EYS: variants seen among roughly 807,000 people sequenced by gnomAD.
EYS encodes EGF-like photoreceptor maintenance factor.
In EYS, 250 loss-of-function variants were observed where a neutral mutation model predicts 282.1. That is an observed-to-expected ratio of 0.89 (90% CI 0.80 to 0.98). The LOEUF (loss-of-function observed/expected upper bound fraction) is 0.98, where lower values mean the gene tolerates loss of function less well. Ranked by LOEUF, EYS falls within the 50% of genes least tolerant of loss-of-function variation. EYS has a pLI of 0.00. For missense variants in EYS, 4,016 were observed against 3,709.0 expected (o/e 1.08, Z -2.15); for synonymous variants, 1,355 against 1,282.9 (o/e 1.06, Z -1.20).
At chr6:65,295,424 C>G (rs1252138319) in intron 12 of EYS, among the ~76,000 whole-genome samples, 1 of 151,858 alleles carries the variant, frequency 6.6e-6, no homozygotes, top group African/African-American at 2.4e-5. Flanking sequence ...TTATTAACGT[C>G]ACGGCATCAA....
intron 36 of EYS, among the ~76,000 whole-genome samples, chr6:63,810,755 A>G (rs1179233051): frequency 1.3e-5 from 2 of 152,196 alleles, no homozygotes. Flanking sequence ...CAGCAATCCT[A>G]CTACATATTT....
chr6:64,051,272 A>G (rs1252307970), intron 33 of EYS, among the ~76,000 whole-genome samples: 5 of 152,308 alleles, frequency 3.3e-5, no homozygotes, highest in Non-Finnish European at 7.4e-5. Flanking sequence ...CTGCTTGCAT[A>G]GAGTTTATAT....
intron 22 of EYS, among the ~76,000 whole-genome samples, chr6:64,804,947 G>T (rs1350160760): frequency 5.9e-5 from 9 of 152,084 alleles, no homozygotes; most frequent in African/African-American, 2.2e-4. Context: ...TACAGGTACA[G>T]CTATGATTTC....
At chr6:63,853,451 G>T (rs188558401) in intron 36 of EYS, among the ~76,000 whole-genome samples, 1 of 152,222 alleles carries the variant, frequency 6.6e-6, no homozygotes. Flanking sequence ...ACTTCAAGGA[G>T]AACTACAAAC....
intron 33 of EYS, among the ~76,000 whole-genome samples, chr6:64,020,847 G>A (rs1195124894): frequency 1.3e-5 from 2 of 152,220 alleles, no homozygotes; most frequent in East Asian, 3.9e-4. Flanking sequence ...TTAAAATAAT[G>A]TATTATTAAT....
At chr6:65,320,589 T>C (rs1769447458) in intron 11 of EYS, among the ~76,000 whole-genome samples, 1 of 152,202 alleles carries the variant, frequency 6.6e-6, no homozygotes, top group Non-Finnish European at 1.5e-5. Context: ...ATTTGGCTCC[T>C]TGAAGTGGAT....
chr6:65,585,539 TA>T (rs1765015729), intron 2 of EYS, among the ~76,000 whole-genome samples: 1 of 151,990 alleles, frequency 6.6e-6, no homozygotes, highest in Non-Finnish European at 1.5e-5. Context: ...TGAAGTGATA[TA>T]AAAATGTTAA....
intron 22 of EYS, among the ~76,000 whole-genome samples, chr6:64,714,677 C>T (rs1297617933): frequency 6.6e-6 from 1 of 151,984 alleles, no homozygotes; most frequent in Non-Finnish European, 1.5e-5. Context: ...AGGAGCCTGC[C>T]ACCACGCCCA....
intron 2 of EYS, among the ~76,000 whole-genome samples, chr6:65,507,586 TC>T (rs1766702971): frequency 6.6e-6 from 1 of 152,104 alleles, no homozygotes; most frequent in African/African-American, 2.4e-5. Context: ...TTTGAAATTG[TC>T]CCACAGTACT....
intron 29 of EYS, among the ~76,000 whole-genome samples, chr6:64,334,744 A>G (rs1166434315): frequency 6.6e-6 from 1 of 152,152 alleles, no homozygotes; most frequent in Non-Finnish European, 1.5e-5. Flanking sequence ...TGGAAAGCTT[A>G]ATTCAATGAA....
At chr6:65,482,986 T>A (rs537653556) in intron 5 of EYS, among the ~76,000 whole-genome samples, 1 of 152,282 alleles carries the variant, frequency 6.6e-6, no homozygotes, top group East Asian at 1.9e-4. Flanking sequence ...TTTCCTGGCA[T>A]TAATCAAAAA....
chr6:65,326,405 A>G (rs1769622777), intron 11 of EYS, among the ~76,000 whole-genome samples: 1 of 151,458 alleles, frequency 6.6e-6, no homozygotes, highest in Non-Finnish European at 1.5e-5. Flanking sequence ...ATAGATAAGT[A>G]CATATATTTA....
intron 22 of EYS, among the ~76,000 whole-genome samples, chr6:64,779,246 T>C (rs1364373792): frequency 1.3e-5 from 2 of 152,178 alleles, no homozygotes; most frequent in African/African-American, 4.8e-5. Flanking sequence ...ATTTAAAATA[T>C]TCTTCAGTAG....
At chr6:64,879,093 C>CT (rs958506353) in intron 19 of EYS, among the ~76,000 whole-genome samples, 4 of 152,072 alleles carry the variant, frequency 2.6e-5, no homozygotes, top group Non-Finnish European at 4.4e-5. Context: ...AATTTGTTGG[C>CT]TTTTTTGAAC....
intron 12 of EYS, among the ~76,000 whole-genome samples, chr6:65,265,300 G>C (rs190196062): frequency 6.6e-6 from 1 of 151,904 alleles, no homozygotes; most frequent in Non-Finnish European, 1.5e-5. Flanking sequence ...CTTTGTTATC[G>C]CATAGAACCT....
chr6:64,839,680 C>G (rs1044754853), intron 19 of EYS, among the ~76,000 whole-genome samples: 1 of 151,914 alleles, frequency 6.6e-6, no homozygotes, highest in African/African-American at 2.4e-5. Flanking sequence ...ATTATGGAGG[C>G]TATAAAGCCC....
intron 12 of EYS, among the ~76,000 whole-genome samples, chr6:65,229,841 C>A (rs932417141): frequency 6.6e-6 from 1 of 151,930 alleles, no homozygotes; most frequent in Non-Finnish European, 1.5e-5. Context: ...TACTGCAAGA[C>A]AATTCTCCTT....
chr6:64,287,466 G>T (rs2150364097), intron 30 of EYS, among the ~76,000 whole-genome samples: 1 of 152,174 alleles, frequency 6.6e-6, no homozygotes. Flanking sequence ...ACATATTCTT[G>T]CTAACCAATG....
At chr6:65,513,458 G>T (rs1194885178) in intron 2 of EYS, among the ~76,000 whole-genome samples, 9 of 152,118 alleles carry the variant, frequency 5.9e-5, no homozygotes, top group Non-Finnish European at 1.3e-4. Context: ...GCATCATCCT[G>T]ATACCAAAGC....
Sources: gnomAD v4.1 joint callset for allele counts (sites outside exome capture counted in the v4.1 genomes callset) on GRCh38, gnomAD v4.1.1 for gene constraint, MANE v1.5 for transcripts, NCBI Gene and HGNC (gene_info 2026-07-23, HGNC 2026-07-21) for gene names.